Variants in RIMBP2 observed in about 807,000 individuals in gnomAD.
The protein encoded by RIMBP2 is RIMS binding protein 2.
A neutral mutation model predicts 118.6 loss-of-function variants in RIMBP2; 48 were observed. The ratio of observed to expected loss-of-function variants is 0.40; its 90% confidence interval spans 0.32 to 0.51. The LOEUF is 0.51. Among genes scored for constraint, RIMBP2 ranks in the 20% least tolerant of loss-of-function variants. The pLI, the probability that RIMBP2 is intolerant of heterozygous loss-of-function variation, is 0.41. For missense variants in RIMBP2, 1,551 were observed against 1,768.3 expected, an observed-to-expected ratio of 0.88 and a Z score of 2.20; for synonymous variants, 762 against 742.9, an observed-to-expected ratio of 1.03 and a Z score of -0.42.
chr12:130,707,412 G>A (rs539887397), intron 1 of RIMBP2, among the ~76,000 whole-genome samples: 137 of 152,284 alleles, frequency 9.0e-4, no homozygotes, highest in Non-Finnish European at 1.5e-3. Flanking sequence ...AGGACAGGAG[G>A]TCCAGATGGC....
intron 1 of RIMBP2, among the ~76,000 whole-genome samples, chr12:130,646,591 C>G (rs1022606358): frequency 1.3e-5 from 2 of 151,330 alleles, no homozygotes; most frequent in Admixed American, 6.6e-5. Context: ...CGCAAGCACA[C>G]GCATCTCCAC....
intron 6 of RIMBP2, among the ~76,000 whole-genome samples, chr12:130,466,783 A>G (rs558490261): frequency 6.6e-6 from 1 of 152,236 alleles, no homozygotes; most frequent in Admixed American, 6.5e-5. Flanking sequence ...GGGATGGGAC[A>G]AAGAACTCAG....
chr12:130,714,233 G>A (rs1487454609), intron 1 of RIMBP2, among the ~76,000 whole-genome samples: 1 of 152,218 alleles, frequency 6.6e-6, no homozygotes, highest in African/African-American at 2.4e-5. Context: ...TCTTCCAGGC[G>A]CCAACAGTGC....
chr12:130,713,568 T>A (rs890774068), intron 1 of RIMBP2, among the ~76,000 whole-genome samples: 1 of 152,222 alleles, frequency 6.6e-6, no homozygotes, highest in African/African-American at 2.4e-5. Context: ...TTTTCTGGAA[T>A]CAGCAGCTCT....
intron 19 of RIMBP2, among the ~76,000 whole-genome samples, chr12:130,411,569 A>G (rs1259589784): frequency 6.6e-6 from 1 of 152,150 alleles, no homozygotes; most frequent in African/African-American, 2.4e-5. Context: ...ATTTTAATCT[A>G]ACTGATAAAT....
At chr12:130,665,888 G>C (rs2063895445) in intron 1 of RIMBP2, among the ~76,000 whole-genome samples, 2 of 152,140 alleles carry the variant, frequency 1.3e-5, no homozygotes, top group South Asian at 2.1e-4. Flanking sequence ...GAATGTTCCT[G>C]CTCTTCGGAA....
At chr12:130,423,992 G>T (rs1050201455) in intron 16 of RIMBP2, 150 bp downstream of exon 16, 1 of 419,018 alleles carries the variant, frequency 2.4e-6, no homozygotes. Context: ...GAAGCAAATC[G>T]GACTTGAGAA....
intron 7 of RIMBP2, 87 bp from the exon 8 acceptor site, chr12:130,451,427 T>C (rs2137381064): frequency 7.3e-7 from 1 of 1,375,036 alleles, no homozygotes; most frequent in African/African-American, 1.4e-5. Context: ...CGGGGTGCCT[T>C]TCCCCTCTTT....
chr12:130,622,312 G>A lies in RIMBP2; in HGVS notation c.-217+6010C>T, dbSNP rs1223283536. The stretch of plus-strand genomic sequence containing the variant: ...ACATCACAAGTTTTGCCATCTCTGT[G>A]CCCACTGTTAACTGACCCTCTTTCT... On this transcript the variant is annotated intron_variant, in intron 2 of 22. Coordinates refer to ENST00000690449, the MANE Select transcript of RIMBP2 (RefSeq NM_001393629.1). This position sits in a 1 kb window ranked among gnomAD's most constrained non-coding sequence, Gnocchi z 8.5. Among the ~76,000 whole-genome samples, 2 of 152,036 alleles carry A rather than the reference G, an allele frequency of 1.3e-5. No homozygotes were observed. Among genetic ancestry groups the A allele is most frequent in the Non-Finnish European group, 2.9e-5 (2 of 68,004 alleles).
intron 1 of RIMBP2, chr12:130,668,549 C>G (rs558903461): frequency 6.6e-6 from 1 of 152,436 alleles, no homozygotes; most frequent in Non-Finnish European, 1.5e-5. Flanking sequence ...ATGCTGAGGT[C>G]TGAGGGGAGT....
intron 1 of RIMBP2, among the ~76,000 whole-genome samples, chr12:130,655,652 A>G (rs1485219187): frequency 6.6e-6 from 1 of 152,256 alleles, no homozygotes; most frequent in Non-Finnish European, 1.5e-5. Flanking sequence ...CAGAGCGAAC[A>G]GAGTTCAATT....
chr12:130,451,267 C>T lies in RIMBP2; in HGVS notation c.432G>A (p.Arg144=). 1 of 1,614,212 alleles carries T rather than the reference C, an allele frequency of 6.2e-7. No homozygotes were observed. Among genetic ancestry groups the T allele is most frequent in the South Asian group, 1.1e-5 (1 of 91,080 alleles). ...TGGGCTTGGCGGACAGAGGCTCCGG[C>T]CTGTCACCAGGCTGCGGAAGGGGCC... ...YIRPLPQPGD[R]PEPLSAKPTF... The change falls in exon 8 of 23, where the codon AGG becomes AGA. Residue 144 remains arginine, a synonymous_variant. Coordinates refer to ENST00000690449, the MANE Select transcript of RIMBP2 (RefSeq NM_001393629.1).
chr12:130,554,747 G>A (rs2056179074), intron 2 of RIMBP2, among the ~76,000 whole-genome samples: 2 of 152,236 alleles, frequency 1.3e-5, no homozygotes, highest in African/African-American at 2.4e-5. Context: ...GACAATAGAA[G>A]TTGTCAGTGA....
chr12:130,503,658 G>C (rs2050023268), intron 4 of RIMBP2, among the ~76,000 whole-genome samples: 1 of 152,164 alleles, frequency 6.6e-6, no homozygotes, highest in East Asian at 1.9e-4. Flanking sequence ...TTCCGAGTAA[G>C]AAAACCATGT....
chr12:130,666,559 G>A (rs925003947), intron 1 of RIMBP2, among the ~76,000 whole-genome samples: 5 of 152,080 alleles, frequency 3.3e-5, no homozygotes, highest in Admixed American at 6.6e-5. Context: ...GCTCAATCCT[G>A]TGTCCTACAA....
At position 130,660,824 on chromosome 12, in the gene RIMBP2, A is replaced by C. The variant is rs920232289; in HGVS notation, c.-351-32368T>G. ...GCGGCACGCACCAGGGCTCTGAAGT[A>C]TCACAGCTGGCGTGTCACGCAGGCC... On this transcript the variant is annotated intron_variant, in intron 1 of 22. Coordinates refer to ENST00000690449, the MANE Select transcript of RIMBP2 (RefSeq NM_001393629.1). Among the ~76,000 whole-genome samples, 8 of 112,708 alleles carry C rather than the reference A, an allele frequency of 7.1e-5. No individual in the cohort carries two copies. In the Admixed American group the frequency reaches 7.1e-4, roughly 10 times the overall value. The allele number at this position is 112,708 out of a possible 152,430, so 73.9% of individuals were successfully genotyped here.
chr12:130,439,570 T>A (rs114564809), intron 11 of RIMBP2, among the ~76,000 whole-genome samples: 1,400 of 125,096 alleles, frequency 0.011, 32 homozygotes, highest in African/African-American at 0.041. Flanking sequence ...CATGGGTGTA[T>A]GTGGGTCTGT....
chr12:130,521,845 G>A (rs2052159814), intron 2 of RIMBP2, among the ~76,000 whole-genome samples: 1 of 152,180 alleles, frequency 6.6e-6, no homozygotes, highest in Admixed American at 6.5e-5. Context: ...TCCAGGGAAG[G>A]ACATGTAAGC....
At chr12:130,501,123 C>T (rs1204677238) in intron 4 of RIMBP2, among the ~76,000 whole-genome samples, 1 of 152,132 alleles carries the variant, frequency 6.6e-6, no homozygotes, top group African/African-American at 2.4e-5. Context: ...GTCCTGACTC[C>T]TTCCTGCCTC....
Sources: allele counts gnomAD v4.1 joint callset (sites outside exome capture counted in the v4.1 genomes callset), GRCh38; gene constraint gnomAD v4.1.1; non-coding constraint Gnocchi (gnomAD v3.1); transcripts MANE v1.5; gene names NCBI Gene and HGNC (gene_info 2026-07-23, HGNC 2026-07-21).